The following FAM53B variants were observed in gnomAD, a reference collection of about 807,000 sequenced individuals.
FAM53B encodes family with sequence similarity 53 member B, also known as protein FAM53B.
Under a neutral mutation model 32.7 loss-of-function variants are expected in FAM53B, and 12 were observed. The ratio of observed to expected loss-of-function variants is 0.37; its 90% confidence interval spans 0.24 to 0.59. FAM53B has a LOEUF of 0.59. FAM53B is among the 20% of genes least tolerant of loss of function. The pLI is 0.72. For synonymous variants in FAM53B, 234 were observed against 228.7 expected (o/e 1.02, Z -0.21); for missense variants, 477 against 577.7 (o/e 0.83, Z 1.79).
chr10:124,647,620 T>C (rs1456735546), intron 4 of FAM53B, among the ~76,000 whole-genome samples: 1 of 152,172 alleles, frequency 6.6e-6, no homozygotes, highest in African/African-American at 2.4e-5. Flanking sequence ...GAGGCAGGTA[T>C]GTGTCCAGTG....
chr10:124,628,401 C>G (rs1949369243), intron 4 of FAM53B, among the ~76,000 whole-genome samples: 1 of 152,194 alleles, frequency 6.6e-6, no homozygotes. Context: ...CTGCGGTATT[C>G]TCACCCCCTG....
Position 124,677,191 on chromosome 10 carries a change from G to A in FAM53B, c.906+4416C>T, listed in dbSNP as rs1370389197. ...ACGTGATCCATGTCTAAATGGCCGC[G>A]TATGGCTCAAGTCTTGCTGGGAGCC... On this transcript the variant is annotated intron_variant, in intron 4 of 4. Coordinates refer to ENST00000337318, the MANE Select transcript of FAM53B (RefSeq NM_014661.4). Among the ~76,000 whole-genome samples the A allele has an allele frequency of 3.3e-5, 5 of 152,334 alleles. No individual in the cohort carries two copies. In the South Asian group the frequency reaches 1.0e-3, roughly 32 times the overall value.
rs1373805756 is a variant in FAM53B, at chr10:124,733,262, C to A, written c.-175+10751G>T. 1.3e-5 allele frequency among the ~76,000 whole-genome samples: 2 copies of A among 152,206 alleles called. No homozygotes were observed. Among genetic ancestry groups the A allele is most frequent in the Non-Finnish European group, 2.9e-5 (2 of 68,044 alleles). On this transcript the variant is annotated intron_variant, in intron 1 of 4. Transcript: ENST00000337318. The surrounding 1 kb of genome is among the most constrained non-coding windows in gnomAD (Gnocchi z 4.3). Reference sequence around the variant, plus strand: ...CACAGGTTCAGTATTTTTCTTAATTCTCCTCTTCTGGGCCCAGGTCACATG... The same window carrying A: ...CACAGGTTCAGTATTTTTCTTAATTATCCTCTTCTGGGCCCAGGTCACATG...
rs1003551113 is a variant in FAM53B at position 124,651,190 on chromosome 10, A to G, written c.907-27586T>C. On this transcript the variant is annotated intron_variant, in intron 4 of 4. Coordinates refer to ENST00000337318, the MANE Select transcript of FAM53B (RefSeq NM_014661.4). This position sits in a 1 kb window ranked among gnomAD's most constrained non-coding sequence, Gnocchi z 5.2. ...GTTTCTCCCTTTGTGCCACAGGGAG[A>G]CAGAGCCAGGTGGCCACCACCTTGC... 9.2e-5 allele frequency among the ~76,000 whole-genome samples: 14 copies of G among 152,176 alleles called. No homozygotes were observed. The East Asian group carries it at 2.7e-3, about 29-fold the overall frequency.
chr10:124,652,363 T>G (rs1178486306), intron 4 of FAM53B, among the ~76,000 whole-genome samples: 1 of 152,180 alleles, frequency 6.6e-6, no homozygotes, highest in African/African-American at 2.4e-5. Flanking sequence ...ATCAGGAAAC[T>G]GAGGCCCTGG....
At chr10:124,721,455 T>G (rs1220692380) in intron 1 of FAM53B, among the ~76,000 whole-genome samples, 1 of 152,210 alleles carries the variant, frequency 6.6e-6, no homozygotes, top group Non-Finnish European at 1.5e-5. Context: ...ACTGCAGGCT[T>G]CAGTTCTAGC....
intron 4 of FAM53B, among the ~76,000 whole-genome samples, chr10:124,656,864 G>A (rs1438554169): frequency 6.6e-6 from 1 of 151,226 alleles, no homozygotes; most frequent in East Asian, 1.9e-4. Context: ...ACAGGAAGGG[G>A]AACATCACAC....
At chr10:124,684,447 T>G (rs1307468556) in intron 3 of FAM53B, among the ~76,000 whole-genome samples, 1 of 152,242 alleles carries the variant, frequency 6.6e-6, no homozygotes, top group Non-Finnish European at 1.5e-5. Context: ...CCTTTGGGTA[T>G]TCACCATTCT....
chr10:124,629,752 C>T (rs1949378902), intron 4 of FAM53B, among the ~76,000 whole-genome samples: 1 of 152,236 alleles, frequency 6.6e-6, no homozygotes, highest in Non-Finnish European at 1.5e-5. Flanking sequence ...CATGTGGTTT[C>T]CTAGGCTTTT....
At chr10:124,689,166 G>T (rs1949818821) in intron 3 of FAM53B, among the ~76,000 whole-genome samples, 1 of 152,156 alleles carries the variant, frequency 6.6e-6, no homozygotes, top group African/African-American at 2.4e-5. Context: ...TCTATGCTTG[G>T]TTTGGGGAGA....
chr10:124,696,516 G>A (rs561471835), intron 2 of FAM53B, among the ~76,000 whole-genome samples: 41 of 152,290 alleles, frequency 2.7e-4, no homozygotes, highest in Admixed American at 2.2e-3. Context: ...GAGGCGGCCC[G>A]GGGGCAGGAT....
intron 4 of FAM53B, among the ~76,000 whole-genome samples, chr10:124,650,039 C>T (rs1454757999): frequency 6.6e-6 from 1 of 152,172 alleles, no homozygotes; most frequent in Non-Finnish European, 1.5e-5. Context: ...CTAGATATTT[C>T]TAGCAGTAAA....
chr10:124,666,491 C>T (rs1322160348), intron 4 of FAM53B, among the ~76,000 whole-genome samples: 2 of 152,180 alleles, frequency 1.3e-5, no homozygotes, highest in African/African-American at 4.8e-5. Flanking sequence ...GAGCAGGGGA[C>T]ATGTGGGGAC....
At chr10:124,667,513 C>T (rs2134060595) in intron 4 of FAM53B, 1 of 715,234 alleles carries the variant, frequency 1.4e-6, no homozygotes, top group African/African-American at 1.7e-5. Context: ...TGGCCTGGCA[C>T]TCCACCTGTG....
intron 1 of FAM53B, among the ~76,000 whole-genome samples, chr10:124,724,601 G>A (rs1950090847): frequency 1.3e-5 from 2 of 152,174 alleles, no homozygotes; most frequent in South Asian, 4.1e-4. Flanking sequence ...AACAAAGCCA[G>A]GTGACCCAGG....
intron 4 of FAM53B, among the ~76,000 whole-genome samples, chr10:124,644,662 T>G (rs1949499915): frequency 6.6e-6 from 1 of 152,146 alleles, no homozygotes; most frequent in South Asian, 2.1e-4. Context: ...GTGACCTTCC[T>G]GGGGTGCTCA....
chr10:124,653,475 C>T (rs1421328966), intron 4 of FAM53B, among the ~76,000 whole-genome samples: 1 of 152,182 alleles, frequency 6.6e-6, no homozygotes, highest in African/African-American at 2.4e-5. Flanking sequence ...CCTCACTCTC[C>T]GTGTTACACT....
At position 124,717,272 on chromosome 10, in the gene FAM53B, G is replaced by A. The variant is rs76888814; in HGVS notation, c.-174-10385C>T. On this transcript the variant is annotated intron_variant, in intron 1 of 4. Coordinates refer to ENST00000337318, the MANE Select transcript of FAM53B (RefSeq NM_014661.4). ...CTAGTGAGACTCTAACTGTAGTCAC[G>A]TATCAGCTGTGTGGCTTCAGCCAGG... Among the ~76,000 whole-genome samples, 66 of 152,310 alleles carry A rather than the reference G, an allele frequency of 4.3e-4. No individual in the cohort carries two copies. In the East Asian group the frequency reaches 0.011, roughly 26 times the overall value.
chr10:124,642,859 C>G (rs1949486055), intron 4 of FAM53B, among the ~76,000 whole-genome samples: 1 of 152,254 alleles, frequency 6.6e-6, no homozygotes, highest in African/African-American at 2.4e-5. Flanking sequence ...GGCAGTCCGG[C>G]AAGACTGCCT....
Sources: gnomAD v4.1 joint callset for allele counts (sites outside exome capture counted in the v4.1 genomes callset) on GRCh38, gnomAD v4.1.1 for gene constraint, Gnocchi (gnomAD v3.1) non-coding constraint, MANE v1.5 for transcripts, NCBI Gene and HGNC (gene_info 2026-07-23, HGNC 2026-07-21) for gene names.